The following TENM4 variants were observed in gnomAD, a reference collection of about 807,000 sequenced individuals.
TENM4 encodes teneurin transmembrane protein 4.
TENM4 carries 82 observed loss-of-function variants against 243.3 expected under a neutral mutation model. The observed-to-expected ratio is 0.34, with a 90% CI of 0.28 to 0.40. The LOEUF (loss-of-function observed/expected upper bound fraction) is 0.40, where lower values mean the gene tolerates loss of function less well. Among genes scored for constraint, TENM4 ranks in the 10% least tolerant of loss-of-function variants. The probability of loss-of-function intolerance (pLI) is 1.00; values close to 1 mark genes in which losing one functional copy is unlikely to be tolerated. For missense variants in TENM4, 3,138 were observed against 3,673.3 expected, an observed-to-expected ratio of 0.85 and a Z score of 3.77; for synonymous variants, 1,412 against 1,456.3, an observed-to-expected ratio of 0.97 and a Z score of 0.69.
chr11:78,939,481 G>C (rs1355359424), intron 6 of TENM4, among the ~76,000 whole-genome samples: 1 of 152,172 alleles, frequency 6.6e-6, no homozygotes, highest in Non-Finnish European at 1.5e-5. Flanking sequence ...CTTTGTGCAT[G>C]GTATTGCCTG....
intron 26 of TENM4, among the ~76,000 whole-genome samples, chr11:78,711,008 T>C (rs1179796177): frequency 6.6e-6 from 1 of 152,296 alleles, no homozygotes; most frequent in South Asian, 2.1e-4. Context: ...TGTTCATTAA[T>C]TGACCAATGG....
intron 5 of TENM4, among the ~76,000 whole-genome samples, chr11:79,065,727 G>A (rs185940686): frequency 3.3e-5 from 5 of 152,344 alleles, no homozygotes; most frequent in Non-Finnish European, 7.3e-5. Flanking sequence ...CTGTGATGGG[G>A]AACTGGCAGA....
intron 1 of TENM4, among the ~76,000 whole-genome samples, chr11:79,411,165 A>T (rs12286796): frequency 6.6e-6 from 1 of 152,056 alleles, no homozygotes; most frequent in African/African-American, 2.4e-5. Context: ...GGACACACAG[A>T]CTGCCTGACT....
At chr11:79,371,833 A>C (rs1388536552) in intron 1 of TENM4, among the ~76,000 whole-genome samples, 1 of 152,192 alleles carries the variant, frequency 6.6e-6, no homozygotes, top group East Asian at 1.9e-4. Flanking sequence ...TGTAATTCTG[A>C]AGAAAGAGAC....
chr11:78,741,940 G>A (rs570787013), intron 19 of TENM4, among the ~76,000 whole-genome samples: 25 of 152,198 alleles, frequency 1.6e-4, no homozygotes, highest in African/African-American at 6.0e-4. Flanking sequence ...GCTTCCTCAT[G>A]GTCACTGTCT....
chr11:79,310,962 T>C (rs1856709715), intron 1 of TENM4, among the ~76,000 whole-genome samples: 1 of 152,232 alleles, frequency 6.6e-6, no homozygotes, highest in African/African-American at 2.4e-5. Flanking sequence ...TTATTTACAT[T>C]TCTGTGTTAC....
intron 3 of TENM4, among the ~76,000 whole-genome samples, chr11:79,195,044 G>C: frequency 6.6e-6 from 1 of 152,224 alleles, no homozygotes; most frequent in East Asian, 1.9e-4. Flanking sequence ...GGCCAACATA[G>C]AGTTCAGGCT....
chr11:79,271,270 T>C (rs1236240884), intron 2 of TENM4, among the ~76,000 whole-genome samples: 1 of 152,194 alleles, frequency 6.6e-6, no homozygotes, highest in Non-Finnish European at 1.5e-5. Flanking sequence ...CAAAGGGTTA[T>C]GTCTTTGAAG....
At chr11:79,253,194 C>G (rs1855641914) in intron 2 of TENM4, among the ~76,000 whole-genome samples, 1 of 152,148 alleles carries the variant, frequency 6.6e-6, no homozygotes, top group Non-Finnish European at 1.5e-5. Flanking sequence ...AATGGATGAA[C>G]AGACAAAGGA....
chr11:78,894,912 T>G (rs1855751456), intron 7 of TENM4, among the ~76,000 whole-genome samples: 1 of 142,038 alleles, frequency 7.0e-6, no homozygotes, highest in Admixed American at 7.8e-5. Context: ...GAGGATCACC[T>G]GAACCCGGGG....
At chr11:78,847,306 C>T (rs1431995492) in intron 12 of TENM4, among the ~76,000 whole-genome samples, 1 of 152,200 alleles carries the variant, frequency 6.6e-6, no homozygotes, top group Non-Finnish European at 1.5e-5. Context: ...TTCTTCTTTC[C>T]TGCCCTTGCA....
At chr11:79,317,712 T>A (rs1318138221) in intron 1 of TENM4, among the ~76,000 whole-genome samples, 1 of 152,212 alleles carries the variant, frequency 6.6e-6, no homozygotes, top group Non-Finnish European at 1.5e-5. Flanking sequence ...TCCAACCAAG[T>A]TGACCAAGAG....
intron 29 of TENM4, among the ~76,000 whole-genome samples, chr11:78,677,687 AATCATTG>A (rs1179298243): frequency 6.6e-6 from 1 of 152,178 alleles, no homozygotes; most frequent in Non-Finnish European, 1.5e-5. Context: ...ACATATTTTA[AATCATTG>A]TCACAGGCAT....
intron 3 of TENM4, among the ~76,000 whole-genome samples, chr11:79,189,810 G>A (rs1391797783): frequency 1.3e-5 from 2 of 152,218 alleles, no homozygotes; most frequent in Non-Finnish European, 1.5e-5. Flanking sequence ...AACATCAGAA[G>A]TTGCCCAGTC....
chr11:79,406,992 C>T (rs1444802547), intron 1 of TENM4, among the ~76,000 whole-genome samples: 3 of 152,144 alleles, frequency 2.0e-5, no homozygotes, highest in Admixed American at 6.5e-5. Flanking sequence ...CTGTGCTGGG[C>T]CCATCAACAG....
chr11:78,897,676 AC>A (rs34623761), intron 7 of TENM4, among the ~76,000 whole-genome samples: 3,035 of 152,300 alleles, frequency 0.02, 37 homozygotes, highest in Non-Finnish European at 0.031. Context: ...CTTCTTAATA[AC>A]AGTTGGCTGT....
At chr11:79,321,106 TACA>T (rs1856880981) in intron 1 of TENM4, among the ~76,000 whole-genome samples, 1 of 152,334 alleles carries the variant, frequency 6.6e-6, no homozygotes, top group Admixed American at 6.5e-5. Context: ...TTGCTGGCTG[TACA>T]ACATTAGACA....
intron 3 of TENM4, among the ~76,000 whole-genome samples, chr11:79,190,398 G>A (rs1301519938): frequency 6.6e-6 from 1 of 152,194 alleles, no homozygotes; most frequent in Non-Finnish European, 1.5e-5. Flanking sequence ...CCTTGTAAAT[G>A]GCAAATGTCT....
chr11:78,901,824 A>C (rs753567552), intron 7 of TENM4, among the ~76,000 whole-genome samples: 2 of 152,172 alleles, frequency 1.3e-5, no homozygotes, highest in Non-Finnish European at 2.9e-5. Context: ...AAATAATATA[A>C]ATTAAGAGAC....
Sources: gnomAD v4.1 joint callset for allele counts (sites outside exome capture counted in the v4.1 genomes callset) on GRCh38, gnomAD v4.1.1 for gene constraint, MANE v1.5 for transcripts, NCBI Gene and HGNC (gene_info 2026-07-23, HGNC 2026-07-21) for gene names.